Variants in CLCN6 observed in about 807,000 individuals in gnomAD.
CLCN6 encodes the protein H(+)/Cl(-) exchange transporter 6.
In CLCN6, 70 loss-of-function variants were observed where a neutral mutation model predicts 109.8. The observed-to-expected ratio is 0.64, with a 90% confidence interval of 0.53 to 0.78. The LOEUF (loss-of-function observed/expected upper bound fraction) is 0.78, where lower values mean the gene tolerates loss of function less well. Among genes scored for constraint, CLCN6 ranks in the 30% least tolerant of loss-of-function variants. The pLI is 0.00. For synonymous variants in CLCN6, 444 were observed against 447.8 expected (o/e 0.99, Z 0.11); for missense variants, 984 against 1,142.3 (o/e 0.86, Z 2.00).
In CLCN6 at chr1:11,827,229, G is replaced by A. The variant is rs771704144; in HGVS notation, c.840+8G>A. 4 of 1,607,358 alleles carry A rather than the reference G, an allele frequency of 2.5e-6. No homozygotes were observed. The highest frequency in any genetic ancestry group is 2.6e-6 in the Non-Finnish European group (3 of 1,175,928). The stretch of plus-strand genomic sequence containing the variant: ...GGGCTCACGTGGAAAGTGGTGAGGA[G>A]GACCTTCAGTGAAAGCATTAACCAC... On this transcript the variant is annotated splice_region_variant and intron_variant, in intron 10 of 22. Coordinates refer to ENST00000346436, the MANE Select transcript of CLCN6 (RefSeq NM_001286.5).
At position 11,825,726 on chromosome 1, in the gene CLCN6, G is replaced by A. The variant is rs1008576696; in HGVS notation, c.649-430G>A. On this transcript the variant is annotated intron_variant, in intron 8 of 22. Coordinates refer to ENST00000346436, the MANE Select transcript of CLCN6 (RefSeq NM_001286.5). The stretch of plus-strand genomic sequence containing the variant: ...CAGCCTCCGCCTCCTGGGTTCAAGC[G>A]ATTCTCCTGGCTCAGCCTCCTGAGT... Among the ~76,000 whole-genome samples the A allele has an allele frequency of 1.3e-5, 2 of 152,278 alleles. 1 individual carries two copies. The highest frequency in any genetic ancestry group is 4.1e-4 in the South Asian group (2 of 4,830).
At chr1:11,817,296 C>T (rs1004366699) in intron 4 of CLCN6, among the ~76,000 whole-genome samples, 4 of 152,136 alleles carry the variant, frequency 2.6e-5, no homozygotes, top group African/African-American at 9.7e-5. Flanking sequence ...CTGTGAACAT[C>T]GTGCCCTTCA....
At chr1:11,819,015 T>C (rs957801188) in intron 4 of CLCN6, among the ~76,000 whole-genome samples, 2 of 152,274 alleles carry the variant, frequency 1.3e-5, no homozygotes, top group Non-Finnish European at 2.9e-5. Flanking sequence ...AAAGCAAGCT[T>C]GTCCAACCCA....
rs577248623 is a variant in CLCN6, at chr1:11,826,040, A to C, written c.649-116A>C. 29 of 707,906 alleles carry C rather than the reference A, an allele frequency of 4.1e-5. No homozygotes were observed. In the South Asian group the frequency reaches 5.2e-4, roughly 13 times the overall value. 43.9% of individuals were successfully genotyped at this position (707,906 alleles called of 1,614,324 possible). A position where few individuals can be genotyped will look rare whatever the true frequency, so the allele number is the denominator to read the frequency against. On this transcript the variant is annotated intron_variant, in intron 8 of 22. Coordinates refer to ENST00000346436, the MANE Select transcript of CLCN6 (RefSeq NM_001286.5). ...TGATGCCGTGGATTCCCATAGTTTC[A>C]GTCCTAGGCTGCCCCTGACCTGTGT...
chr1:11,815,595 A>C (rs1410279552), intron 2 of CLCN6, among the ~76,000 whole-genome samples: 1 of 152,162 alleles, frequency 6.6e-6, no homozygotes, highest in Non-Finnish European at 1.5e-5. Context: ...GGGTTTCACC[A>C]TGTTGGCTAG....
Position 11,838,641 on chromosome 1 carries a change from T to C in CLCN6, c.2510T>C (p.Val837Ala). Reference protein sequence around the residue: ...FRTMGLRHLPVVNAVGEIVGI... With the variant: ...FRTMGLRHLPAVNAVGEIVGI... ...ACGATGGGCCTGCGCCACCTGCCCGTGGTGAACGCTGTGGGAGAGGTGAGC... is the reference window on the plus strand; with the variant it reads ...ACGATGGGCCTGCGCCACCTGCCCGCGGTGAACGCTGTGGGAGAGGTGAGC... The change falls in exon 22 of 23, where the codon GTG becomes GCG. Residue 837 changes from valine (V) to alanine (A), a missense_variant. Val to Ala is a moderately conservative substitution (Grantham distance 64). Coordinates refer to ENST00000346436, the MANE Select transcript of CLCN6 (RefSeq NM_001286.5). 6.2e-7 allele frequency: 1 copy of C among 1,614,210 alleles called. No individual in the cohort carries two copies. Among genetic ancestry groups the C allele is most frequent in the East Asian group, 2.2e-5 (1 of 44,894 alleles).
chr1:11,814,026 T>C (rs1427925142), intron 2 of CLCN6, among the ~76,000 whole-genome samples: 1 of 152,214 alleles, frequency 6.6e-6, no homozygotes, highest in African/African-American at 2.4e-5. Context: ...AGTCACTTGT[T>C]GGTACTCCAG....
intron 2 of CLCN6, among the ~76,000 whole-genome samples, chr1:11,810,496 A>T (rs1043285702): frequency 1.4e-4 from 21 of 152,272 alleles, no homozygotes; most frequent in Non-Finnish European, 2.6e-4. Flanking sequence ...GAACACTAAG[A>T]TGCCCCTTCC....
intron 1 of CLCN6, chr1:11,806,618 A>C (rs1644515736): frequency 2.2e-6 from 1 of 450,648 alleles, no homozygotes; most frequent in African/African-American, 2.1e-5. Flanking sequence ...ATCTGAAAAG[A>C]GTTTGGAATG....
At position 11,839,474 on chromosome 1, in the gene CLCN6, C is replaced by T. The variant is rs550419933; in HGVS notation, c.2530-669C>T. On this transcript the variant is annotated intron_variant, in intron 22 of 22. Transcript: ENST00000346436. ...ACACGGTTTCGCCATGTTGCCCAGGCTGGTCTTGAACTCCTGAACTCAAGT... is the reference window on the plus strand; with the variant it reads ...ACACGGTTTCGCCATGTTGCCCAGGTTGGTCTTGAACTCCTGAACTCAAGT... Among the ~76,000 whole-genome samples, 10 of 152,334 alleles carry T rather than the reference C, an allele frequency of 6.6e-5. No homozygotes were observed. The South Asian group carries it at 2.1e-3, about 32-fold the overall frequency.
intron 1 of CLCN6, chr1:11,806,711 C>T (rs1033724529): frequency 8.4e-6 from 3 of 356,562 alleles, no homozygotes; most frequent in Non-Finnish European, 1.5e-5. Flanking sequence ...TCCTTTCTCA[C>T]TCTATCCCTC....
In CLCN6 at chr1:11,837,069, G is replaced by A. The variant is rs1215421996; in HGVS notation, c.2051G>A (p.Ser684Asn). The part of the protein sequence containing the change: ...RSQSMKSYPS[S>N]ELRNMCDEHI... ...CAGTCCATGAAGTCCTACCCATCCA[G>A]CGAGCTACGGAACATGTGTGATGAG... The change falls in exon 19 of 23, where the codon AGC becomes AAC. Residue 684 changes from serine to asparagine, a missense_variant. Transcript: ENST00000346436. The A allele has an allele frequency of 6.2e-7, 1 of 1,613,438 alleles. No individual in the cohort carries two copies. Among genetic ancestry groups the A allele is most frequent in the South Asian group, 1.1e-5 (1 of 91,090 alleles).
In CLCN6 at chr1:11,816,045, A is replaced by G. The variant is rs186907006; in HGVS notation, c.213+134A>G. On this transcript the variant is annotated intron_variant, in intron 3 of 22. Coordinates refer to ENST00000346436, the MANE Select transcript of CLCN6 (RefSeq NM_001286.5). ...TTTTCATGCGATACAGGCAGACCTCACTTTATGCGCTTTGCTTTATTTCAC... is the reference window on the plus strand; with the variant it reads ...TTTTCATGCGATACAGGCAGACCTCGCTTTATGCGCTTTGCTTTATTTCAC... 2.4e-5 allele frequency: 16 copies of G among 676,766 alleles called. No homozygotes were observed. The Admixed American group carries it at 2.4e-4, about 10-fold the overall frequency. 41.9% of individuals were successfully genotyped at this position (676,766 alleles called of 1,614,324 possible).
At chr1:11,830,420 AAAC>A (rs1361446157) in intron 13 of CLCN6, 1 of 152,144 alleles carries the variant, frequency 6.6e-6, no homozygotes, top group Non-Finnish European at 1.5e-5. Context: ...TGCAAATAAA[AAAC>A]AGTACAGTGT....
chr1:11,806,718 C>T (rs1182510302), intron 1 of CLCN6: 2 of 356,004 alleles, frequency 5.6e-6, no homozygotes, highest in South Asian at 5.4e-5. Context: ...TCACTCTATC[C>T]CTCACCCTTT....
chr1:11,831,257 A>T (rs944335171), intron 13 of CLCN6, among the ~76,000 whole-genome samples: 30 of 151,864 alleles, frequency 2.0e-4, no homozygotes, highest in African/African-American at 6.8e-4. Flanking sequence ...CCTGGGTTCA[A>T]GCGATTCTCC....
In CLCN6 at chr1:11,833,616, C is replaced by T. The variant is rs1644906464; in HGVS notation, c.1350C>T (p.Ile450=). 6.2e-7 allele frequency: 1 copy of T among 1,613,886 alleles called. No individual in the cohort carries two copies. The highest frequency in any genetic ancestry group is 8.5e-7 in the Non-Finnish European group (1 of 1,180,042). The part of the protein sequence containing the change: ...TLFFNPQESA[I]LQLFHQDGTF... Reference sequence around the variant, plus strand: ...TCTTCAACCCGCAGGAGTCTGCCATCCTCCAGCTCTTCCACCAGGATGGTG... The same window carrying T: ...TCTTCAACCCGCAGGAGTCTGCCATTCTCCAGCTCTTCCACCAGGATGGTG... Residue 450 remains isoleucine, a synonymous_variant, in exon 14 of 23, where the codon ATC becomes ATT. Coordinates refer to ENST00000346436, the MANE Select transcript of CLCN6 (RefSeq NM_001286.5).
chr1:11,829,384 A>G, intron 13 of CLCN6, 62 bp downstream of exon 13: 1 of 1,593,902 alleles, frequency 6.3e-7, no homozygotes, highest in Non-Finnish European at 8.6e-7. Context: ...GAAATGTATG[A>G]CCTTCCTCTG....
rs752723999 is a variant in CLCN6, at chr1:11,833,903, T to G, written c.1399T>G (p.Leu467Val). ...TACTTTCAGCCCCGTCACTCTGGCC[T>G]TGTTCTTCGTTCTCTATTTCTTGCT... ...DGTFSPVTLALFFVLYFLLAC... is the reference protein window; with the variant it reads ...DGTFSPVTLAVFFVLYFLLAC... The change falls in exon 15 of 23, where the codon TTG becomes GTG. Residue 467 changes from leucine (L) to valine (V), a missense_variant. Physicochemically the swap from Leu to Val is conservative, Grantham distance 32. Transcript: ENST00000346436. The G allele has an allele frequency of 1.9e-6, 3 of 1,613,108 alleles. No homozygotes were observed. Among genetic ancestry groups the G allele is most frequent in the Admixed American group, 3.4e-5 (2 of 59,610 alleles).
Sources: allele counts gnomAD v4.1 joint callset (sites outside exome capture counted in the v4.1 genomes callset), GRCh38; gene constraint gnomAD v4.1.1; transcripts MANE v1.5; gene names NCBI Gene and HGNC (gene_info 2026-07-23, HGNC 2026-07-21).